Variants in SV2C observed in about 807,000 individuals in gnomAD.
SV2C encodes synaptic vesicle glycoprotein 2C, also known as solute carrier family 22 member B3.
In SV2C, 49 loss-of-function variants were observed where a neutral mutation model predicts 79.7. That is an observed-to-expected ratio of 0.61 (90% CI 0.49 to 0.78). SV2C has a LOEUF of 0.78. SV2C is among the 30% of genes least tolerant of loss of function. The pLI, the probability that SV2C is intolerant of heterozygous loss-of-function variation, is 0.00. For synonymous variants in SV2C, 334 were observed against 333.2 expected (o/e 1.00, Z -0.03); for missense variants, 833 against 912.9 (o/e 0.91, Z 1.13).
intron 2 of SV2C, among the ~76,000 whole-genome samples, chr5:76,154,325 G>A (rs1026011380): frequency 1.3e-5 from 2 of 152,132 alleles, no homozygotes; most frequent in African/African-American, 2.4e-5. Flanking sequence ...TTCTCTTTCT[G>A]TTAATGTATA....
At chr5:76,022,909 A>G in the SV2C span, among the ~76,000 whole-genome samples, 1 of 152,184 alleles carries the variant, frequency 6.6e-6, no homozygotes, top group African/African-American at 2.4e-5. Flanking sequence ...CAATTTTAAT[A>G]ATGTCTGTAT....
At chr5:75,982,999 G>A in the SV2C span, among the ~76,000 whole-genome samples, 2 of 152,006 alleles carry the variant, frequency 1.3e-5, no homozygotes, top group Admixed American at 1.3e-4. Flanking sequence ...AAGAAGATTA[G>A]GAAAAATAAC....
At chr5:76,013,089 C>T in the SV2C span, among the ~76,000 whole-genome samples, 1 of 152,118 alleles carries the variant, frequency 6.6e-6, no homozygotes, top group Non-Finnish European at 1.5e-5. Flanking sequence ...GCTATACGGG[C>T]TCTTTTTTTG....
the SV2C span, among the ~76,000 whole-genome samples, chr5:75,873,035 C>A: frequency 6.6e-6 from 1 of 151,796 alleles, no homozygotes; most frequent in African/African-American, 2.4e-5. Flanking sequence ...AAGCCAGAAA[C>A]CAAAGGAGAG....
At chr5:76,072,483 G>C in the SV2C span, among the ~76,000 whole-genome samples, 1 of 152,204 alleles carries the variant, frequency 6.6e-6, no homozygotes, top group East Asian at 1.9e-4. Flanking sequence ...GCTAACAAGT[G>C]TGAAGCTGGG....
At chr5:76,100,256 A>C (rs921761120) in intron 1 of SV2C, among the ~76,000 whole-genome samples, 3 of 152,220 alleles carry the variant, frequency 2.0e-5, no homozygotes, top group African/African-American at 7.2e-5. Flanking sequence ...AATAAATGCA[A>C]CTTCACAGTA....
chr5:76,338,505 T>C (rs1749369815), downstream of SV2C, among the ~76,000 whole-genome samples: 1 of 152,208 alleles, frequency 6.6e-6, no homozygotes, highest in South Asian at 2.1e-4. Context: ...GCCCCACCCC[T>C]TTTGCTCTTT....
chr5:76,026,201 A>AACACACACACAC, the SV2C span, among the ~76,000 whole-genome samples: 5,511 of 140,048 alleles, frequency 0.039, 181 homozygotes, highest in East Asian at 0.11. Context: ...CAAATTTACA[A>AACACACACACAC]ACACACACAC....
chr5:76,123,793 A>C (rs1263556461), intron 1 of SV2C, among the ~76,000 whole-genome samples: 1 of 152,228 alleles, frequency 6.6e-6, no homozygotes, highest in African/African-American at 2.4e-5. Flanking sequence ...ACTACTATGG[A>C]AGATATGCTC....
chr5:76,043,019 T>C, the SV2C span, among the ~76,000 whole-genome samples: 2 of 152,204 alleles, frequency 1.3e-5, no homozygotes, highest in Admixed American at 1.3e-4. Context: ...GAGCCCAGGC[T>C]TTAGGACTGT....
chr5:76,218,114 C>T (rs1360942368), intron 4 of SV2C, among the ~76,000 whole-genome samples: 1 of 152,222 alleles, frequency 6.6e-6, no homozygotes, highest in African/African-American at 2.4e-5. Flanking sequence ...GAAGGCCCTA[C>T]TTCCAAGCCA....
the SV2C span, among the ~76,000 whole-genome samples, chr5:75,952,348 C>T: frequency 6.6e-6 from 1 of 151,036 alleles, no homozygotes; most frequent in Non-Finnish European, 1.5e-5. Context: ...ACTGGCTTCT[C>T]TTTCATCTTC....
chr5:75,876,482 C>T, the SV2C span, among the ~76,000 whole-genome samples: 1 of 151,880 alleles, frequency 6.6e-6, no homozygotes, highest in African/African-American at 2.4e-5. Flanking sequence ...GGGCTTAATA[C>T]CTGGATGATG....
At chr5:76,205,464 T>C (rs943389714) in intron 3 of SV2C, among the ~76,000 whole-genome samples, 1 of 152,172 alleles carries the variant, frequency 6.6e-6, no homozygotes, top group Non-Finnish European at 1.5e-5. Flanking sequence ...ATAATTAAGA[T>C]TTGACATTTT....
At position 76,344,767 on chromosome 5, in the gene SV2C, ATAATT is replaced by A. The variant is rs561071638; in HGVS notation, c.2001-8359_2001-8355del. 7.0e-4 allele frequency among the ~76,000 whole-genome samples: 106 copies of A among 152,350 alleles called. No homozygotes were observed. The East Asian group carries it at 9.8e-3, about 14-fold the overall frequency. ...ATTTTATGACATATTTGTATTTTAA[ATAATT>A]TAAATTAAAAATGAACTATTTGTGA... On this transcript the variant is annotated intron_variant, in intron 12 of 12. Transcript: ENST00000322285.
chr5:76,076,126 A>C, the SV2C span, among the ~76,000 whole-genome samples: 1 of 152,210 alleles, frequency 6.6e-6, no homozygotes, highest in African/African-American at 2.4e-5. Context: ...TAAAATATGA[A>C]AAGTGCTCTT....
chr5:76,047,548 A>T, the SV2C span, among the ~76,000 whole-genome samples: 1 of 152,032 alleles, frequency 6.6e-6, no homozygotes, highest in East Asian at 1.9e-4. Context: ...CATTTAGCTG[A>T]TTGCTTTAAA....
At chr5:75,969,499 AC>A in the SV2C span, among the ~76,000 whole-genome samples, 2 of 152,196 alleles carry the variant, frequency 1.3e-5, no homozygotes, top group African/African-American at 4.8e-5. Context: ...AAAATGGAAA[AC>A]AAAAAAAGGC....
At chr5:75,854,572 C>A in the SV2C span, among the ~76,000 whole-genome samples, 1 of 152,152 alleles carries the variant, frequency 6.6e-6, no homozygotes, top group Admixed American at 6.5e-5. Context: ...TATATCTCTT[C>A]TAACTTTTGA....
Sources: allele counts gnomAD v4.1 joint callset (sites outside exome capture counted in the v4.1 genomes callset), GRCh38; gene constraint gnomAD v4.1.1; transcripts MANE v1.5; gene names NCBI Gene and HGNC (gene_info 2026-07-23, HGNC 2026-07-21).